SUZ12: variants seen among roughly 807,000 people sequenced by gnomAD.
SUZ12 encodes polycomb protein SUZ12.
Under a neutral mutation model 87.3 loss-of-function variants are expected in SUZ12, and 17 were observed. That is an observed-to-expected ratio of 0.19 (90% confidence interval 0.13 to 0.29). SUZ12 has a LOEUF of 0.29. SUZ12 is among the 10% of genes least tolerant of loss of function. SUZ12 has a pLI of 1.00. For synonymous variants in SUZ12, 253 were observed against 312.4 expected (o/e 0.81, Z 2.01); for missense variants, 526 against 912.2 (o/e 0.58, Z 5.45).
intron 4 of SUZ12, among the ~76,000 whole-genome samples, chr17:31,957,898 T>A (rs1907457160): frequency 8.0e-6 from 1 of 125,098 alleles, no homozygotes; most frequent in African/African-American, 3.0e-5. Context: ...TTTTGTCCTT[T>A]TTTTTTTTTT....
intron 8 of SUZ12, among the ~76,000 whole-genome samples, chr17:31,980,520 G>C (rs1021783230): frequency 1.6e-5 from 2 of 126,734 alleles, no homozygotes; most frequent in Non-Finnish European, 3.1e-5. Flanking sequence ...CACCATCTCA[G>C]CTCACCGCTA....
At chr17:31,975,238 G>C (rs1008245965) in intron 6 of SUZ12, among the ~76,000 whole-genome samples, 1 of 151,858 alleles carries the variant, frequency 6.6e-6, no homozygotes, top group African/African-American at 2.4e-5. Context: ...CTAAATATTA[G>C]GTATACTGTA....
intron 15 of SUZ12, 133 bp downstream of exon 15, chr17:31,997,010 T>C (rs1200904294): frequency 1.6e-6 from 1 of 619,190 alleles, no homozygotes; most frequent in Non-Finnish European, 2.4e-6. Context: ...CCAAATTTTA[T>C]TCTATTCCAA....
At chr17:31,990,712 G>A (rs1360065088) in intron 10 of SUZ12, among the ~76,000 whole-genome samples, 1 of 151,922 alleles carries the variant, frequency 6.6e-6, no homozygotes, top group African/African-American at 2.4e-5. Context: ...ACTTTCTGCT[G>A]AGTTTAAGGC....
chr17:31,937,190 C>T lies in SUZ12; in HGVS notation c.-57C>T. 7.2e-7 allele frequency: 1 copy of T among 1,379,320 alleles called. No homozygotes were observed. The highest frequency in any genetic ancestry group is 4.0e-5 in the Admixed American group (1 of 25,006). 85.4% of individuals were successfully genotyped at this position (1,379,320 alleles called of 1,614,324 possible). A position where few individuals can be genotyped will look rare whatever the true frequency, so the allele number is the denominator to read the frequency against. On this transcript the variant is annotated 5_prime_UTR_variant, in exon 1 of 16. Coordinates refer to ENST00000322652, the MANE Select transcript of SUZ12 (RefSeq NM_015355.4). ...GGGCGAGCGGTTGGTATTGCAGGCG[C>T]TTGCTCTCCGGGGCCGCCCGGCGGG...
intron 4 of SUZ12, among the ~76,000 whole-genome samples, chr17:31,957,386 T>G (rs963882648): frequency 6.6e-6 from 1 of 151,870 alleles, no homozygotes; most frequent in African/African-American, 2.4e-5. Context: ...ATTACAGACA[T>G]GCACCACCAT....
In SUZ12 at chr17:31,940,223, C is replaced by T. The variant is rs371011137; in HGVS notation, c.275-63C>T. ...GTTTATATTGATTATAACATGGTCT[C>T]GGTTGATATTTTTCTGACAAGTAAG... On this transcript the variant is annotated intron_variant, in intron 1 of 15. Coordinates refer to ENST00000322652, the MANE Select transcript of SUZ12 (RefSeq NM_015355.4). 4.4e-4 allele frequency: 693 copies of T among 1,569,246 alleles called. 2 individuals are homozygous for T. In the South Asian group the frequency reaches 6.5e-3, roughly 15 times the overall value.
At chr17:31,980,676 G>A (rs1204234991) in intron 8 of SUZ12, among the ~76,000 whole-genome samples, 2 of 151,774 alleles carry the variant, frequency 1.3e-5, no homozygotes, top group South Asian at 2.1e-4. Flanking sequence ...TTGAACTCCC[G>A]ACCTCAGGTG....
chr17:31,960,036 A>G (rs1387371780), intron 4 of SUZ12, among the ~76,000 whole-genome samples: 2 of 152,180 alleles, frequency 1.3e-5, no homozygotes, highest in African/African-American at 2.4e-5. Context: ...GTCCTGACCA[A>G]CCTTACGTGT....
intron 8 of SUZ12, among the ~76,000 whole-genome samples, chr17:31,977,273 C>CTTT (rs762777458): frequency 1.0e-4 from 12 of 117,334 alleles, no homozygotes; most frequent in South Asian, 2.8e-4. Flanking sequence ...GAGATCCCAT[C>CTTT]TTTTTTTTTT....
chr17:31,947,562 T>G, intron 3 of SUZ12, 55 bp from the exon 4 acceptor site: 1 of 1,566,008 alleles, frequency 6.4e-7, no homozygotes, highest in African/African-American at 1.4e-5. Flanking sequence ...TAAAGTATAA[T>G]TTGTTTCTTT....
At chr17:31,994,863 A>G (rs1909891291) in intron 13 of SUZ12, 142 bp downstream of exon 13, 2 of 741,246 alleles carry the variant, frequency 2.7e-6, no homozygotes, top group African/African-American at 1.8e-5. Context: ...GTTGTTAACT[A>G]CTTTATAACA....
intron 4 of SUZ12, among the ~76,000 whole-genome samples, chr17:31,949,086 C>T (rs1243940066): frequency 6.6e-6 from 1 of 152,124 alleles, no homozygotes. Context: ...AAGCATGAAC[C>T]AACAACAGGA....
At chr17:31,943,449 A>G (rs1906424479) in intron 3 of SUZ12, among the ~76,000 whole-genome samples, 1 of 152,214 alleles carries the variant, frequency 6.6e-6, no homozygotes, top group African/African-American at 2.4e-5. Context: ...ATTTTGTAAT[A>G]CAGGCCTACA....
At chr17:31,989,765 A>ATTTTTTTTTTTTTTT (rs568524946) in intron 10 of SUZ12, among the ~76,000 whole-genome samples, 153 of 129,764 alleles carry the variant, frequency 1.2e-3, no homozygotes, top group Non-Finnish European at 2.1e-3. Context: ...CGACCAGCTA[A>ATTTTTTTTTTTTTTT]TTTTTTTTTT....
chr17:31,976,506 G>A lies in SUZ12; in HGVS notation c.824-15G>A, dbSNP rs758380937. ...TTCTAATATTTGATTTATGAGAAAT[G>A]TTTGTTAAATTTAGATGTCAATGAA... On this transcript the variant is annotated splice_polypyrimidine_tract_variant and intron_variant, in intron 7 of 15. Coordinates refer to ENST00000322652, the MANE Select transcript of SUZ12 (RefSeq NM_015355.4). The A allele has an allele frequency of 6.2e-7, 1 of 1,602,788 alleles. No homozygotes were observed. The highest frequency in any genetic ancestry group is 1.1e-5 in the South Asian group (1 of 90,346).
At chr17:31,996,682 C>A in intron 14 of SUZ12, 116 bp from the exon 15 acceptor site, 1 of 613,236 alleles carries the variant, frequency 1.6e-6, no homozygotes, top group Non-Finnish European at 2.7e-6. Context: ...AGAAATGTTG[C>A]CACTTTGCTG....
At chr17:31,939,553 G>A (rs1239107285) in intron 1 of SUZ12, among the ~76,000 whole-genome samples, 1 of 148,252 alleles carries the variant, frequency 6.7e-6, no homozygotes, top group Non-Finnish European at 1.5e-5. Context: ...ACGAAGTTTC[G>A]CTCTTTATTG....
chr17:31,981,437 AG>A (rs1177502567), intron 8 of SUZ12, among the ~76,000 whole-genome samples: 1 of 152,236 alleles, frequency 6.6e-6, no homozygotes, highest in Non-Finnish European at 1.5e-5. Context: ...GCACTTGATC[AG>A]GCTGTGGGGG....
Sources: gnomAD v4.1 joint callset for allele counts (sites outside exome capture counted in the v4.1 genomes callset) on GRCh38, gnomAD v4.1.1 for gene constraint, MANE v1.5 for transcripts, NCBI Gene and HGNC (gene_info 2026-07-23, HGNC 2026-07-21) for gene names.